The following INTS6 variants were observed in gnomAD, a reference collection of about 807,000 sequenced individuals.
The protein encoded by INTS6 is integrator complex subunit 6.
In INTS6, 16 loss-of-function variants were observed where a neutral mutation model predicts 104.9. That is an observed-to-expected ratio of 0.15 (90% CI 0.10 to 0.23). The LOEUF is 0.23. Ranked by LOEUF, INTS6 falls within the 10% of genes least tolerant of loss-of-function variation. The probability of loss-of-function intolerance (pLI) is 1.00; values close to 1 mark genes in which losing one functional copy is unlikely to be tolerated. For synonymous variants in INTS6, 324 were observed against 358.7 expected (o/e 0.90, Z 1.09); for missense variants, 584 against 1,062.8 (o/e 0.55, Z 6.26).
intron 4 of INTS6, among the ~76,000 whole-genome samples, chr13:51,407,289 G>A (rs1956587070): frequency 6.6e-6 from 1 of 152,134 alleles, no homozygotes; most frequent in African/African-American, 2.4e-5. Flanking sequence ...ATGAATACAT[G>A]GATGGATGAA....
At chr13:51,375,351 CAAAA>C (rs34281256) in intron 13 of INTS6, among the ~76,000 whole-genome samples, 1 of 120,856 alleles carries the variant, frequency 8.3e-6, no homozygotes, top group Non-Finnish European at 1.8e-5. Context: ...GGCTCTGACT[CAAAA>C]AAAAAAAAAA....
chr13:51,383,095 C>CT (rs1309122112), intron 9 of INTS6, among the ~76,000 whole-genome samples: 54 of 150,580 alleles, frequency 3.6e-4, no homozygotes, highest in Non-Finnish European at 6.8e-4. Context: ...CTCCCCCACC[C>CT]CCCCGCAAAA....
At chr13:51,347,137 A>T in the INTS6 span, 1 of 1,613,596 alleles carries the variant, frequency 6.2e-7, no homozygotes, top group Non-Finnish European at 8.5e-7. Flanking sequence ...GGCGAAAGAG[A>T]TTCTCCTCCA....
rs538559854 is a variant in INTS6 at position 51,387,645 on chromosome 13, A to G, written c.740-105T>C. The G allele has an allele frequency of 8.9e-6, 8 of 893,878 alleles. No individual in the cohort carries two copies. In the Admixed American group the frequency reaches 1.0e-4, roughly 11 times the overall value. The allele number at this position is 893,878 out of a possible 1,614,324, so 55.4% of individuals were successfully genotyped here. A position where few individuals can be genotyped will look rare whatever the true frequency, so the allele number is the denominator to read the frequency against. On this transcript the variant is annotated intron_variant, in intron 6 of 17. Coordinates refer to ENST00000311234, the MANE Select transcript of INTS6 (RefSeq NM_012141.3). ...TACTTAAATTAATAAAAAATTCCTA[A>G]TATCTTTTTCCAGGTTTTCCTATTT...
intron 4 of INTS6, among the ~76,000 whole-genome samples, chr13:51,405,588 G>A (rs750534561): frequency 2.6e-5 from 4 of 151,960 alleles, no homozygotes; most frequent in South Asian, 2.1e-4. Flanking sequence ...GGTTACTCTG[G>A]TAGATGGCAC....
chr13:51,381,824 T>C (rs547120201), intron 10 of INTS6, among the ~76,000 whole-genome samples: 1 of 151,814 alleles, frequency 6.6e-6, no homozygotes, highest in Non-Finnish European at 1.5e-5. Context: ...TGCCTCAGCC[T>C]CCCGAGTAGC....
At chr13:51,360,475 T>G (rs1171549117), downstream of INTS6, among the ~76,000 whole-genome samples, 1 of 152,080 alleles carries the variant, frequency 6.6e-6, no homozygotes, top group African/African-American at 2.4e-5. Flanking sequence ...AATCTTTCAT[T>G]TTTTACTGTG....
downstream of INTS6, among the ~76,000 whole-genome samples, chr13:51,359,915 C>G (rs977463506): frequency 7.9e-5 from 12 of 151,984 alleles, no homozygotes; most frequent in Admixed American, 6.6e-5. Flanking sequence ...TAAAATAAAT[C>G]AAATTCTTTG....
chr13:51,416,543 T>C (rs1166273426), intron 4 of INTS6, among the ~76,000 whole-genome samples: 1 of 152,234 alleles, frequency 6.6e-6, no homozygotes, highest in Admixed American at 6.5e-5. Flanking sequence ...TGTTGCACTA[T>C]GTGAGAGAAT....
At position 51,377,929 on chromosome 13, in the gene INTS6, T is replaced by C. The variant is rs1388968192; in HGVS notation, c.1602+310A>G. 5.3e-5 allele frequency among the ~76,000 whole-genome samples: 8 copies of C among 152,058 alleles called. No individual in the cohort carries two copies. The South Asian group carries it at 1.5e-3, about 28-fold the overall frequency. The stretch of plus-strand genomic sequence containing the variant: ...TCATGCTGTGGGTCTAATAGGGTCA[T>C]CAGTTTAAGTACAAAACTATAGTGA... On this transcript the variant is annotated intron_variant, in intron 12 of 17. Transcript: ENST00000311234.
intron 4 of INTS6, among the ~76,000 whole-genome samples, chr13:51,401,445 T>C (rs1431610392): frequency 2.0e-5 from 3 of 152,130 alleles, no homozygotes; most frequent in Admixed American, 6.5e-5. Flanking sequence ...AGATATTTAA[T>C]AGGATTTTTA....
downstream of INTS6, chr13:51,361,365 G>C: frequency 6.3e-7 from 1 of 1,595,082 alleles, no homozygotes; most frequent in Non-Finnish European, 8.6e-7. Context: ...GGAGCCACAG[G>C]TATGTTCAGA....
At chr13:51,424,072 C>T (rs1358247154) in intron 4 of INTS6, among the ~76,000 whole-genome samples, 5 of 151,994 alleles carry the variant, frequency 3.3e-5, no homozygotes, top group African/African-American at 4.8e-5. Flanking sequence ...CTAAATACCA[C>T]AGTACTTTAT....
At chr13:51,427,345 T>C (rs986405846) in intron 4 of INTS6, among the ~76,000 whole-genome samples, 12 of 152,120 alleles carry the variant, frequency 7.9e-5, no homozygotes, top group African/African-American at 2.7e-4. Flanking sequence ...AAAGGCAAAA[T>C]TGTTATTCCC....
chr13:51,440,420 AATTT>A lies in INTS6; in HGVS notation c.340-10041_340-10038del, dbSNP rs2138138135. On this transcript the variant is annotated intron_variant, in intron 3 of 17. Transcript: ENST00000311234. ...TATAAAGTTACAGTAAGCTAAGGTT[AATTT>A]ATTATTGGAGAAAATTTTTTAATAA... 3 of 152,302 alleles carry A rather than the reference AATTT, an allele frequency of 2.0e-5. No individual in the cohort carries two copies. The East Asian group carries it at 5.8e-4, about 29-fold the overall frequency. 9.4% of individuals were successfully genotyped at this position (152,302 alleles called of 1,614,324 possible).
At chr13:51,448,649 T>C (rs1166572237) in intron 3 of INTS6, 3 of 152,180 alleles carry the variant, frequency 2.0e-5, no homozygotes, top group African/African-American at 2.4e-5. Flanking sequence ...TGTGGGAGAA[T>C]GGTGGATATC....
intron 3 of INTS6, chr13:51,447,732 T>TGAA (rs1555292451): frequency 3.7e-5 from 3 of 80,184 alleles, no homozygotes; most frequent in Non-Finnish European, 7.3e-5. Context: ...CATAATTTAC[T>TGAA]GAAAAAAAAA....
chr13:51,433,961 G>T (rs1054292697), intron 3 of INTS6, among the ~76,000 whole-genome samples: 11 of 152,130 alleles, frequency 7.2e-5, no homozygotes, highest in African/African-American at 2.7e-4. Context: ...ACTCAAGGTG[G>T]CCTAGATGGT....
chr13:51,433,747 G>T (rs1284673229), intron 3 of INTS6, among the ~76,000 whole-genome samples: 1 of 152,050 alleles, frequency 6.6e-6, no homozygotes, highest in Admixed American at 6.6e-5. Context: ...CTTTTTCTTA[G>T]ACAACAAAAC....
Sources: allele counts gnomAD v4.1 joint callset (sites outside exome capture counted in the v4.1 genomes callset), GRCh38; gene constraint gnomAD v4.1.1; transcripts MANE v1.5; gene names NCBI Gene and HGNC (gene_info 2026-07-23, HGNC 2026-07-21).